The following PATL2 variants were observed in gnomAD, a reference collection of about 807,000 sequenced individuals.
PATL2 encodes the protein protein PAT1 homolog 2.
A neutral mutation model predicts 77.0 loss-of-function variants in PATL2; 73 were observed. The ratio of observed to expected loss-of-function variants is 0.95; its 90% confidence interval spans 0.78 to 1.15. PATL2 has a LOEUF of 1.15. Ranked by LOEUF, PATL2 falls within the 50% of genes most tolerant of loss-of-function variation. The probability of loss-of-function intolerance (pLI) is 0.00; values close to 1 mark genes in which losing one functional copy is unlikely to be tolerated. For missense variants in PATL2, 618 were observed against 655.4 expected, an observed-to-expected ratio of 0.94 and a Z score of 0.62; for synonymous variants, 265 against 257.1, an observed-to-expected ratio of 1.03 and a Z score of -0.29.
At chr15:44,690,304 G>C (rs115578304) in intron 3 of PATL2, among the ~76,000 whole-genome samples, 1 of 151,926 alleles carries the variant, frequency 6.6e-6, no homozygotes, top group Non-Finnish European at 1.5e-5. Context: ...TAAGATTGCT[G>C]AGTGGCAAAT....
chr15:44,695,572 A>G lies in PATL2; in HGVS notation c.-76+14524T>C, dbSNP rs552787726. Among the ~76,000 whole-genome samples the G allele has an allele frequency of 2.0e-5, 3 of 152,248 alleles. No individual in the cohort carries two copies. The South Asian group carries it at 6.2e-4, about 32-fold the overall frequency. ...TACATAAATCAGACACTGCCTCCTAAAGCCTGAGTATAAAATCCAGGGCAC... is the reference window on the plus strand; with the variant it reads ...TACATAAATCAGACACTGCCTCCTAGAGCCTGAGTATAAAATCCAGGGCAC... On this transcript the variant is annotated intron_variant, in intron 3 of 17. Transcript: ENST00000682850.
At chr15:44,689,470 A>G (rs2086336331) in intron 3 of PATL2, among the ~76,000 whole-genome samples, 1 of 152,234 alleles carries the variant, frequency 6.6e-6, no homozygotes, top group Non-Finnish European at 1.5e-5. Flanking sequence ...CCAAATGCCC[A>G]TTAATGATAG....
chr15:44,683,715 G>A (rs942424355), intron 3 of PATL2, among the ~76,000 whole-genome samples: 1 of 152,144 alleles, frequency 6.6e-6, no homozygotes, highest in Non-Finnish European at 1.5e-5. Flanking sequence ...AGAGAGCAGC[G>A]GATCTCCCAG....
At chr15:44,671,961 T>G (rs1396295108) in intron 9 of PATL2, 54 bp downstream of exon 9, 1 of 1,542,588 alleles carries the variant, frequency 6.5e-7, no homozygotes, top group East Asian at 2.4e-5. Flanking sequence ...GGCCCGGGAG[T>G]CCAGGCCCAT....
chr15:44,669,442 T>C, intron 12 of PATL2, 29 bp from the exon 13 acceptor site: 4 of 1,547,942 alleles, frequency 2.6e-6, no homozygotes, highest in African/African-American at 1.4e-5. Context: ...AAAAAAGAGG[T>C]AAATTTGGGT....
At chr15:44,698,423 A>T (rs2086557995) in intron 3 of PATL2, among the ~76,000 whole-genome samples, 1 of 151,370 alleles carries the variant, frequency 6.6e-6, no homozygotes, top group Non-Finnish European at 1.5e-5. Flanking sequence ...GATAACCATT[A>T]TTCTACTCTC....
rs1343636872 is a variant in PATL2 at position 44,669,274 on chromosome 15, A to G, written c.1064+6T>C. ...CTGGGCTGAGGTGGAACCCTCCCAC[A>G]CTCACTCCAGGTTGTTCTGCTCCTG... On this transcript the variant is annotated splice_donor_region_variant and intron_variant, in intron 13 of 17. Transcript: ENST00000682850. 4 of 1,545,042 alleles carry G rather than the reference A, an allele frequency of 2.6e-6. No individual in the cohort carries two copies. The highest frequency in any genetic ancestry group is 3.5e-6 in the Non-Finnish European group (4 of 1,141,662).
intron 3 of PATL2, among the ~76,000 whole-genome samples, chr15:44,708,628 C>T (rs1402971776): frequency 1.3e-5 from 2 of 152,128 alleles, no homozygotes; most frequent in African/African-American, 4.8e-5. Context: ...TTACATGTAT[C>T]AACAGTTTAT....
Position 44,711,162 on chromosome 15 carries a change from T to C in PATL2, c.-396A>G, listed in dbSNP as rs1327860754. ...AAAAATGCAGGTCCGAGCAGTTAAC[T>C]GGCTGGGGCACCATTAGCAAGTCAC... On this transcript the variant is annotated 5_prime_UTR_variant, in exon 1 of 18. Coordinates refer to ENST00000682850, the MANE Select transcript of PATL2 (RefSeq NM_001387263.1). 4.1e-5 allele frequency: 17 copies of C among 413,590 alleles called. 1 individual carries two copies. The highest frequency in any genetic ancestry group is 2.2e-4 in the African/African-American group (11 of 49,606). 25.6% of individuals were successfully genotyped at this position (413,590 alleles called of 1,614,324 possible).
At position 44,711,020 on chromosome 15, in the gene PATL2, C is replaced by A. The variant is rs2086850815; in HGVS notation, c.-254G>T. ...ATGCTTTTGGGACTATTTTTCTTACCCAGAGAATGGAGAAACCCTGCAGGG... is the reference window on the plus strand; with the variant it reads ...ATGCTTTTGGGACTATTTTTCTTACACAGAGAATGGAGAAACCCTGCAGGG... On this transcript the variant is annotated splice_region_variant and 5_prime_UTR_variant, in exon 1 of 18. An upstream open reading frame in the 5' UTR gains an earlier in-frame stop. Transcript: ENST00000682850. The A allele has an allele frequency of 4.4e-6, 1 of 225,502 alleles. No homozygotes were observed. Among genetic ancestry groups the A allele is most frequent in the Non-Finnish European group, 9.1e-6 (1 of 109,548 alleles). The allele number at this position is 225,502 out of a possible 1,614,324, so 14.0% of individuals were successfully genotyped here. A position where few individuals can be genotyped will look rare whatever the true frequency, so the allele number is the denominator to read the frequency against.
At chr15:44,684,254 A>T (rs998885071) in intron 3 of PATL2, among the ~76,000 whole-genome samples, 1 of 152,132 alleles carries the variant, frequency 6.6e-6, no homozygotes, top group African/African-American at 2.4e-5. Flanking sequence ...AGTTTGATGA[A>T]TTGACAGAAG....
intron 16 of PATL2, 105 bp downstream of exon 16, chr15:44,667,001 A>AC: frequency 2.3e-6 from 2 of 887,648 alleles, no homozygotes; most frequent in Non-Finnish European, 3.6e-6. Flanking sequence ...TCTCTATCCA[A>AC]CCTCTTCCTC....
chr15:44,669,213 G>A, intron 13 of PATL2, 67 bp downstream of exon 13: 4 of 1,526,990 alleles, frequency 2.6e-6, no homozygotes, highest in Non-Finnish European at 3.5e-6. Flanking sequence ...AGGAGAGGCA[G>A]AAGCAAGACC....
chr15:44,666,592 A>G (rs1045319800), intron 16 of PATL2, 51 bp from the exon 17 acceptor site: 20 of 1,445,424 alleles, frequency 1.4e-5, no homozygotes, highest in Non-Finnish European at 1.6e-5. Flanking sequence ...TAAGAAACAG[A>G]CTCAGGGCCA....
At chr15:44,692,226 G>A (rs1000408327) in intron 3 of PATL2, among the ~76,000 whole-genome samples, 1 of 152,124 alleles carries the variant, frequency 6.6e-6, no homozygotes, top group Admixed American at 6.6e-5. Flanking sequence ...CAATGGATTA[G>A]CAGTGGTTAT....
At chr15:44,676,049 C>G (rs970474672) in intron 4 of PATL2, 1 of 317,334 alleles carries the variant, frequency 3.2e-6, no homozygotes, top group African/African-American at 2.2e-5. Flanking sequence ...ACAAAAGGAA[C>G]CCGGCAGATA....
intron 9 of PATL2, among the ~76,000 whole-genome samples, chr15:44,671,576 G>C (rs2085678992): frequency 1.3e-5 from 2 of 152,006 alleles, no homozygotes; most frequent in South Asian, 4.1e-4. Flanking sequence ...AAGGCAGAAG[G>C]AAGCAGGGGA....
At chr15:44,671,764 A>T (rs1447291269) in intron 9 of PATL2, among the ~76,000 whole-genome samples, 1 of 152,240 alleles carries the variant, frequency 6.6e-6, no homozygotes, top group African/African-American at 2.4e-5. Context: ...AATTCTTAGC[A>T]AAGAGTAGAG....
chr15:44,700,826 G>C (rs893912861), intron 3 of PATL2, among the ~76,000 whole-genome samples: 6 of 152,018 alleles, frequency 3.9e-5, no homozygotes, highest in African/African-American at 4.8e-5. Context: ...GGTGGAAGTG[G>C]GCATCTTTGT....
Sources: gnomAD v4.1 joint callset for allele counts (sites outside exome capture counted in the v4.1 genomes callset) on GRCh38, gnomAD v4.1.1 for gene constraint, MANE v1.5 for transcripts, NCBI Gene and HGNC (gene_info 2026-07-23, HGNC 2026-07-21) for gene names.